DAPK2: variants seen among roughly 807,000 people sequenced by gnomAD.
DAPK2 encodes the protein death-associated protein kinase 2.
Under a neutral mutation model 44.1 loss-of-function variants are expected in DAPK2, and 35 were observed. That is an observed-to-expected ratio of 0.79 (90% CI 0.61 to 1.05). The LOEUF is 1.05. Ranked by LOEUF, DAPK2 falls within the 50% of genes least tolerant of loss-of-function variation. DAPK2 has a pLI of 0.00. For synonymous variants in DAPK2, 174 were observed against 182.6 expected, an observed-to-expected ratio of 0.95 and a Z score of 0.38; for missense variants, 453 against 483.2, an observed-to-expected ratio of 0.94 and a Z score of 0.59.
intron 3 of DAPK2, among the ~76,000 whole-genome samples, chr15:63,961,348 G>A (rs1203643921): frequency 6.6e-6 from 1 of 152,048 alleles, no homozygotes; most frequent in Non-Finnish European, 1.5e-5. Context: ...TTACATTTAA[G>A]GTTAATATTG....
At chr15:63,984,920 C>T (rs530439803) in intron 1 of DAPK2, among the ~76,000 whole-genome samples, 27 of 152,328 alleles carry the variant, frequency 1.8e-4, no homozygotes, top group South Asian at 1.7e-3. Context: ...TCAAAATACC[C>T]GGAGTGGCAA....
chr15:63,971,274 G>A (rs948761657), intron 3 of DAPK2, 149 bp downstream of exon 4: 21 of 975,136 alleles, frequency 2.2e-5, no homozygotes, highest in Non-Finnish European at 2.7e-5. Context: ...CATTTCCGTG[G>A]CATCATCTTT....
chr15:63,985,410 G>A (rs139630861), intron 1 of DAPK2, among the ~76,000 whole-genome samples: 341 of 152,272 alleles, frequency 2.2e-3, no homozygotes, highest in African/African-American at 3.6e-3. Context: ...CGAGGACAGC[G>A]GGTGCCTTGG....
At chr15:64,033,776 C>T (rs1283536612) in intron 1 of DAPK2, among the ~76,000 whole-genome samples, 1 of 151,938 alleles carries the variant, frequency 6.6e-6, no homozygotes, top group Non-Finnish European at 1.5e-5. Flanking sequence ...GGTGTGGTGG[C>T]GGGCGCTTAT....
intron 1 of DAPK2, among the ~76,000 whole-genome samples, chr15:63,987,544 A>G (rs2078699836): frequency 6.6e-6 from 1 of 152,166 alleles, no homozygotes; most frequent in Non-Finnish European, 1.5e-5. Flanking sequence ...ATCAATACCT[A>G]TGCATGGTCT....
intron 2 of DAPK2, among the ~76,000 whole-genome samples, chr15:63,981,176 G>A (rs2140838285): frequency 6.6e-6 from 1 of 151,760 alleles, no homozygotes; most frequent in East Asian, 1.9e-4. Context: ...TGGATTAACA[G>A]GTTACATGGG....
intron 1 of DAPK2, among the ~76,000 whole-genome samples, chr15:64,012,698 T>C (rs865902883): frequency 6.6e-6 from 1 of 152,260 alleles, no homozygotes; most frequent in Admixed American, 6.5e-5. Flanking sequence ...ATATAGACTA[T>C]GCATATGTAT....
intron 3 of DAPK2, among the ~76,000 whole-genome samples, chr15:63,949,901 G>A (rs979802686): frequency 2.0e-4 from 30 of 152,298 alleles, no homozygotes; most frequent in African/African-American, 6.7e-4. Flanking sequence ...AGGGTTTAAT[G>A]ATGTCTATTG....
chr15:63,938,827 T>C (rs1001570692), intron 4 of DAPK2, among the ~76,000 whole-genome samples: 1 of 152,248 alleles, frequency 6.6e-6, no homozygotes, highest in Admixed American at 6.5e-5. Context: ...ATTTGGCAGA[T>C]GATTTCCTTT....
chr15:63,924,805 T>A lies in DAPK2; in HGVS notation c.858+11A>T. On this transcript the variant is annotated intron_variant, in intron 8 of 10. Transcript: ENST00000261891. ...CCCTTTGCCCATTGGAACTCATGGC[T>A]GTGCCCTTACCGTGATCCAGGGGTG... 6.2e-7 allele frequency: 1 copy of A among 1,614,162 alleles called. No homozygotes were observed. Among genetic ancestry groups the A allele is most frequent in the Non-Finnish European group, 8.5e-7 (1 of 1,179,980 alleles).
intron 1 of DAPK2, among the ~76,000 whole-genome samples, chr15:63,984,898 G>A (rs17788704): frequency 0.34 from 51,499 of 152,108 alleles, 10,222 homozygotes; most frequent in Non-Finnish European, 0.45. Flanking sequence ...ATCATCCTCA[G>A]TGAGACAGTC....
intron 3 of DAPK2, among the ~76,000 whole-genome samples, chr15:63,947,012 G>A (rs1251734012): frequency 6.6e-6 from 1 of 152,046 alleles, no homozygotes; most frequent in African/African-American, 2.4e-5. Context: ...AGTCTTCAGT[G>A]TGGCCCATGC....
At chr15:63,927,405 T>C (rs1178594142) in intron 6 of DAPK2, among the ~76,000 whole-genome samples, 1 of 152,202 alleles carries the variant, frequency 6.6e-6, no homozygotes. Flanking sequence ...CAGAATTAAC[T>C]TCGTTCCCTA....
intron 1 of DAPK2, among the ~76,000 whole-genome samples, chr15:64,002,974 C>CTGTGTGTGTGTGTGTG (rs58879927): frequency 1.4e-3 from 74 of 51,610 alleles, no homozygotes; most frequent in South Asian, 4.7e-3. Flanking sequence ...GTCGTGGGAC[C>CTGTGTGTGTGTGTGTG]TGTGTGTGTG....
At chr15:63,930,660 T>C (rs899830667) in intron 4 of DAPK2, among the ~76,000 whole-genome samples, 1 of 152,190 alleles carries the variant, frequency 6.6e-6, no homozygotes, top group Non-Finnish European at 1.5e-5. Context: ...CAAATTCATA[T>C]ATCGAAAGCA....
At position 63,908,751 on chromosome 15, in the gene DAPK2, A is replaced by T; in HGVS notation, c.1033-151T>A. ...TGAAAGCAAGCCTGCTGATCCATCC[A>T]GGGGCTGGGGGATGGGAGGGATCTG... On this transcript the variant is annotated intron_variant, in intron 10 of 10. Transcript: ENST00000261891. The surrounding 1 kb of genome is among the most constrained non-coding windows in gnomAD (Gnocchi z 5.7). The T allele has an allele frequency of 1.9e-6, 1 of 527,426 alleles. No homozygotes were observed. Among genetic ancestry groups the T allele is most frequent in the Non-Finnish European group, 3.2e-6 (1 of 310,030 alleles). The allele number at this position is 527,426 out of a possible 1,614,324, so 32.7% of individuals were successfully genotyped here.
At chr15:63,927,417 A>C (rs1367750396) in intron 6 of DAPK2, among the ~76,000 whole-genome samples, 2 of 152,138 alleles carry the variant, frequency 1.3e-5, no homozygotes, top group Non-Finnish European at 2.9e-5. Flanking sequence ...CGTTCCCTAC[A>C]TCCCAGTTCA....
chr15:63,908,514 G>C lies in DAPK2; in HGVS notation c.*6C>G. ...CCTCCCTGGCGGCCACTGCAGGTCA[G>C]GCCAGTTAGGAGGTGCTGCTCCTCC... On this transcript the variant is annotated 3_prime_UTR_variant, in exon 11 of 11. Transcript: ENST00000261891. The surrounding 1 kb of genome is among the most constrained non-coding windows in gnomAD (Gnocchi z 5.7). The C allele has an allele frequency of 6.3e-7, 1 of 1,583,804 alleles. No individual in the cohort carries two copies. Among genetic ancestry groups the C allele is most frequent in the Non-Finnish European group, 8.6e-7 (1 of 1,165,868 alleles).
upstream of DAPK2, among the ~76,000 whole-genome samples, chr15:64,043,041 C>T (rs1868443): frequency 0.2 from 30,014 of 152,186 alleles, 3,041 homozygotes; most frequent in South Asian, 0.25. Context: ...ATCACACAGA[C>T]CTGGGTTTAA....
Sources: allele counts gnomAD v4.1 joint callset (sites outside exome capture counted in the v4.1 genomes callset), GRCh38; gene constraint gnomAD v4.1.1; non-coding constraint Gnocchi (gnomAD v3.1); transcripts MANE v1.5; gene names NCBI Gene and HGNC (gene_info 2026-07-23, HGNC 2026-07-21).